The following SUMF1 variants were observed in gnomAD, a reference collection of about 807,000 sequenced individuals.
The protein encoded by SUMF1 is formylglycine-generating enzyme.
SUMF1 carries 48 observed loss-of-function variants against 47.6 expected under a neutral mutation model. The ratio of observed to expected loss-of-function variants is 1.01; its 90% confidence interval spans 0.80 to 1.28. The LOEUF is 1.28. SUMF1 is among the 50% of genes most tolerant of loss of function. The pLI is 0.00. For synonymous variants in SUMF1, 230 were observed against 192.1 expected (o/e 1.20, Z -1.63); for missense variants, 571 against 485.4 (o/e 1.18, Z -1.66).
chr3:4,266,979 T>A (rs1306454793), intron 8 of SUMF1, among the ~76,000 whole-genome samples: 1 of 152,184 alleles, frequency 6.6e-6, no homozygotes, highest in African/African-American at 2.4e-5. Context: ...TCTGTTGAGA[T>A]AATCATGTGG....
chr3:4,209,879 T>G (rs925217112), intron 8 of SUMF1, among the ~76,000 whole-genome samples: 3 of 152,096 alleles, frequency 2.0e-5, no homozygotes, highest in African/African-American at 7.2e-5. Flanking sequence ...TAAATATTCA[T>G]GGATTTTAAA....
At chr3:4,225,476 A>G (rs1447081369) in intron 8 of SUMF1, among the ~76,000 whole-genome samples, 2 of 152,190 alleles carry the variant, frequency 1.3e-5, no homozygotes, top group Non-Finnish European at 2.9e-5. Flanking sequence ...GTGTCATAAA[A>G]GAATAACCAT....
At chr3:4,280,470 A>G (rs1010867981) in intron 8 of SUMF1, among the ~76,000 whole-genome samples, 3 of 151,828 alleles carry the variant, frequency 2.0e-5, no homozygotes, top group Admixed American at 6.5e-5. Flanking sequence ...AATTTTTTTT[A>G]TAAAGCCAGA....
chr3:4,380,745 T>C (rs896214746), intron 7 of SUMF1, among the ~76,000 whole-genome samples: 17 of 152,160 alleles, frequency 1.1e-4, no homozygotes, highest in East Asian at 3.8e-4. Context: ...AATGCTTGCA[T>C]GGTCGCAAGA....
intron 8 of SUMF1, among the ~76,000 whole-genome samples, chr3:4,262,984 G>A (rs1401425484): frequency 1.3e-5 from 2 of 152,124 alleles, no homozygotes; most frequent in African/African-American, 4.8e-5. Context: ...CTATGAGAGG[G>A]GGCAATTCAT....
At chr3:4,069,805 A>G (rs1217356568) in intron 8 of SUMF1, among the ~76,000 whole-genome samples, 1 of 152,184 alleles carries the variant, frequency 6.6e-6, no homozygotes, top group Non-Finnish European at 1.5e-5. Context: ...AAAAATATAT[A>G]ACCCCAAAAT....
chr3:4,214,280 G>C (rs1422735377), intron 8 of SUMF1, among the ~76,000 whole-genome samples: 1 of 152,138 alleles, frequency 6.6e-6, no homozygotes, highest in Non-Finnish European at 1.5e-5. Flanking sequence ...CAACCACATG[G>C]AAACTTAACA....
intron 8 of SUMF1, among the ~76,000 whole-genome samples, chr3:4,374,694 A>G (rs990702669): frequency 6.6e-6 from 1 of 152,184 alleles, no homozygotes; most frequent in South Asian, 2.1e-4. Flanking sequence ...TACTGTACAA[A>G]GAGAGATTCA....
chr3:4,247,679 C>A (rs556780826), intron 8 of SUMF1, among the ~76,000 whole-genome samples: 1 of 152,040 alleles, frequency 6.6e-6, no homozygotes, highest in African/African-American at 2.4e-5. Context: ...ACTGGAGGCA[C>A]AAATTTCAAT....
intron 8 of SUMF1, among the ~76,000 whole-genome samples, chr3:4,117,762 AT>A (rs80116592): frequency 0.051 from 7,687 of 152,106 alleles, 531 homozygotes; most frequent in East Asian, 0.15. Context: ...CTCTCCCCTG[AT>A]TTCTCATGCT....
chr3:4,200,174 A>AT (rs35851983), intron 8 of SUMF1, among the ~76,000 whole-genome samples: 42,548 of 125,838 alleles, frequency 0.34, 7,364 homozygotes, highest in East Asian at 0.54. Flanking sequence ...AAGCATCAAG[A>AT]TTTTTTTTTT....
Position 4,216,073 on chromosome 3 carries a change from A to G in SUMF1, c.1015-147328T>C, listed in dbSNP as rs573010309. The stretch of plus-strand genomic sequence containing the variant: ...TTCATATGGAACCAAAAAAGAGCCC[A>G]CATAGCCAAGACAATCCTAAGCAAA... On this transcript the variant is annotated intron_variant and NMD_transcript_variant, in intron 8 of 12. Coordinates refer to the SUMF1 transcript ENST00000448413. 1.4e-4 allele frequency among the ~76,000 whole-genome samples: 21 copies of G among 152,276 alleles called. No individual in the cohort carries two copies. The South Asian group carries it at 4.3e-3, about 32-fold the overall frequency.
chr3:4,058,104 T>C (rs1016860510), intron 9 of SUMF1, among the ~76,000 whole-genome samples: 3 of 152,118 alleles, frequency 2.0e-5, no homozygotes, highest in African/African-American at 4.8e-5. Context: ...CCCATTTTTA[T>C]AGATGAGAAA....
At chr3:4,124,428 A>T (rs547931508) in intron 8 of SUMF1, among the ~76,000 whole-genome samples, 1 of 152,238 alleles carries the variant, frequency 6.6e-6, no homozygotes, top group Admixed American at 6.5e-5. Context: ...TATTAGTCAG[A>T]CTTCGTTTCC....
chr3:4,080,063 G>C (rs763213347), intron 8 of SUMF1, among the ~76,000 whole-genome samples: 17 of 151,908 alleles, frequency 1.1e-4, no homozygotes, highest in Non-Finnish European at 2.9e-5. Flanking sequence ...GTCACTCCCA[G>C]AGGGTCCTGT....
rs183056977 is a variant in SUMF1 at position 4,449,858 on chromosome 3, G to A, written c.445-518C>T. 3.9e-5 allele frequency among the ~76,000 whole-genome samples: 6 copies of A among 152,288 alleles called. No homozygotes were observed. In the East Asian group the frequency reaches 1.2e-3, roughly 29 times the overall value. ...TTTAATGATTTTATTTAACATTAGT[G>A]TCTCAATTCTTCATCCACCTGATTA... On this transcript the variant is annotated intron_variant, in intron 2 of 8. Transcript: ENST00000272902.
chr3:4,138,742 A>T (rs1694003397), intron 8 of SUMF1, among the ~76,000 whole-genome samples: 1 of 152,048 alleles, frequency 6.6e-6, no homozygotes, highest in Non-Finnish European at 1.5e-5. Flanking sequence ...GCCTGGTTCT[A>T]ATTTATACCT....
intron 8 of SUMF1, among the ~76,000 whole-genome samples, chr3:4,197,144 A>T (rs1302777758): frequency 6.6e-6 from 1 of 152,154 alleles, no homozygotes; most frequent in Non-Finnish European, 1.5e-5. Flanking sequence ...AACTATCAGG[A>T]GATGGTATCA....
At chr3:4,259,796 C>T (rs1697045874) in intron 8 of SUMF1, among the ~76,000 whole-genome samples, 1 of 152,008 alleles carries the variant, frequency 6.6e-6, no homozygotes, top group Admixed American at 6.6e-5. Flanking sequence ...ATCATTTGCA[C>T]CAAGGATAGG....
Sources: gnomAD v4.1 joint callset for allele counts (sites outside exome capture counted in the v4.1 genomes callset) on GRCh38, gnomAD v4.1.1 for gene constraint, MANE v1.5 for transcripts, NCBI Gene and HGNC (gene_info 2026-07-23, HGNC 2026-07-21) for gene names.